The following ATRNL1 variants were observed in gnomAD, a reference collection of about 807,000 sequenced individuals.
ATRNL1 encodes attractin-like protein 1.
In ATRNL1, 95 loss-of-function variants were observed where a neutral mutation model predicts 182.7. That is an observed-to-expected ratio of 0.52 (90% confidence interval 0.44 to 0.62). The LOEUF (loss-of-function observed/expected upper bound fraction) is 0.62, where lower values mean the gene tolerates loss of function less well. ATRNL1 is among the 20% of genes least tolerant of loss of function. The pLI is 0.00. For missense variants in ATRNL1, 1,471 were observed against 1,679.5 expected, an observed-to-expected ratio of 0.88 and a Z score of 2.17; for synonymous variants, 576 against 568.3, an observed-to-expected ratio of 1.01 and a Z score of -0.19.
intron 21 of ATRNL1, among the ~76,000 whole-genome samples, chr10:115,461,251 C>G (rs1554969623): frequency 6.6e-6 from 1 of 151,966 alleles, no homozygotes; most frequent in African/African-American, 2.4e-5. Flanking sequence ...AGCAATACAT[C>G]ACCTTCATGT....
chr10:115,094,785 C>T (rs1215242644), intron 1 of ATRNL1, among the ~76,000 whole-genome samples: 1 of 152,206 alleles, frequency 6.6e-6, no homozygotes, highest in Non-Finnish European at 1.5e-5. Flanking sequence ...AGCCAGTACA[C>T]ACTCCAGAAT....
At chr10:115,177,623 C>T (rs1333143141) in intron 8 of ATRNL1, among the ~76,000 whole-genome samples, 6 of 152,052 alleles carry the variant, frequency 3.9e-5, no homozygotes. Context: ...GACTATGTCT[C>T]CAAAACCTAC....
intron 26 of ATRNL1, among the ~76,000 whole-genome samples, chr10:115,660,059 T>C (rs1860578126): frequency 6.6e-6 from 1 of 152,132 alleles, no homozygotes; most frequent in African/African-American, 2.4e-5. Flanking sequence ...TTCTGATTAG[T>C]TGTAGAGCAT....
intron 19 of ATRNL1, among the ~76,000 whole-genome samples, chr10:115,392,734 G>C (rs79142227): frequency 0.012 from 1,784 of 152,188 alleles, 34 homozygotes; most frequent in African/African-American, 0.04. Context: ...CTTTCTAGAT[G>C]CAATTCTCGT....
chr10:115,408,023 G>A (rs570712889), intron 20 of ATRNL1, among the ~76,000 whole-genome samples: 2 of 124,850 alleles, frequency 1.6e-5, no homozygotes, highest in Non-Finnish European at 3.2e-5. Context: ...TTGAGACGGA[G>A]TCTCGCTCTG....
chr10:115,845,000 G>C (rs181864762), intron 27 of ATRNL1, among the ~76,000 whole-genome samples: 141 of 150,158 alleles, frequency 9.4e-4, no homozygotes, highest in Non-Finnish European at 1.5e-3. Flanking sequence ...GTGCTATAAA[G>C]AGATGTTTGG....
intron 27 of ATRNL1, among the ~76,000 whole-genome samples, chr10:115,819,357 T>A (rs1452499860): frequency 2.0e-5 from 3 of 152,168 alleles, no homozygotes; most frequent in Admixed American, 6.6e-5. Context: ...TTACTATCTA[T>A]CTAGAATATT....
intron 26 of ATRNL1, among the ~76,000 whole-genome samples, chr10:115,674,410 A>G (rs1945796404): frequency 6.6e-6 from 1 of 152,084 alleles, no homozygotes; most frequent in African/African-American, 2.4e-5. Flanking sequence ...TTCTTATACT[A>G]CTGAGATTTT....
chr10:115,202,810 C>T (rs1404421039), intron 8 of ATRNL1, among the ~76,000 whole-genome samples: 2 of 146,964 alleles, frequency 1.4e-5, no homozygotes, highest in South Asian at 2.3e-4. Context: ...AGGAATGGTA[C>T]CAGTTCCTCC....
Position 115,877,210 on chromosome 10 carries a change from GGTAGAAAGGCAGTCATTTTATTT to G in ATRNL1, c.4018+29221_4018+29243del, listed in dbSNP as rs147646152. Among the ~76,000 whole-genome samples, 320 of 152,308 alleles carry G rather than the reference GGTAGAAAGGCAGTCATTTTATTT, an allele frequency of 2.1e-3. 1 individual carries two copies. The highest frequency in any genetic ancestry group is 7.4e-3 in the African/African-American group (307 of 41,566). On this transcript the variant is annotated intron_variant, in intron 28 of 28. Coordinates refer to ENST00000355044, the MANE Select transcript of ATRNL1 (RefSeq NM_207303.4). ...GCTACTTGCATTGTACTTCACTTTA[GGTAGAAAGGCAGTCATTTTATTT>G]GCTGTTAATGTGAAAAGAGATATCA...
intron 27 of ATRNL1, among the ~76,000 whole-genome samples, chr10:115,728,458 C>G (rs2243740): frequency 0.47 from 70,941 of 151,704 alleles, 16,776 homozygotes; most frequent in African/African-American, 0.5. Context: ...TTAAGAAACT[C>G]TAGAATTGAA....
intron 8 of ATRNL1, among the ~76,000 whole-genome samples, chr10:115,201,110 A>T (rs545980211): frequency 7.6e-6 from 1 of 131,694 alleles, no homozygotes; most frequent in Non-Finnish European, 1.6e-5. Context: ...GTTTGAGTTC[A>T]TTGTAGATTC....
intron 14 of ATRNL1, 144 bp downstream of exon 14, chr10:115,281,631 CTG>C (rs1233450527): frequency 1.1e-5 from 9 of 782,796 alleles, no homozygotes; most frequent in African/African-American, 5.4e-5. Context: ...ACTAATAACA[CTG>C]TTTCTACAAG....
chr10:115,278,322 G>C (rs1470628938), intron 13 of ATRNL1, among the ~76,000 whole-genome samples: 1 of 152,166 alleles, frequency 6.6e-6, no homozygotes, highest in Non-Finnish European at 1.5e-5. Flanking sequence ...AGAAAAACTT[G>C]GGACAAAATA....
At chr10:115,258,280 G>A (rs1334644879) in intron 10 of ATRNL1, among the ~76,000 whole-genome samples, 1 of 152,070 alleles carries the variant, frequency 6.6e-6, no homozygotes, top group African/African-American at 2.4e-5. Flanking sequence ...TTTTCACATA[G>A]TCCCATATTT....
At chr10:115,232,008 T>C (rs1462272072) in intron 9 of ATRNL1, among the ~76,000 whole-genome samples, 2 of 152,198 alleles carry the variant, frequency 1.3e-5, no homozygotes, top group African/African-American at 4.8e-5. Flanking sequence ...TCTTTTTATA[T>C]TTTCTGCCTT....
chr10:115,216,844 G>A (rs537381063), intron 9 of ATRNL1, among the ~76,000 whole-genome samples: 1 of 151,694 alleles, frequency 6.6e-6, no homozygotes, highest in South Asian at 2.1e-4. Flanking sequence ...AAAAAATATA[G>A]AATTATAACA....
At chr10:115,747,471 A>C (rs1487855541) in intron 27 of ATRNL1, among the ~76,000 whole-genome samples, 1 of 152,146 alleles carries the variant, frequency 6.6e-6, no homozygotes, top group Non-Finnish European at 1.5e-5. Context: ...ATTACTTGAA[A>C]GATCACCAAA....
At position 115,270,408 on chromosome 10, in the gene ATRNL1, AAATAT is replaced by A. The variant is rs201847354; in HGVS notation, c.2100+1971_2100+1975del. Among the ~76,000 whole-genome samples the A allele has an allele frequency of 5.2e-3, 634 of 123,028 alleles. 2 individuals are homozygous for A. The highest frequency in any genetic ancestry group is 8.2e-3 in the Non-Finnish European group (476 of 57,996). The allele number at this position is 123,028 out of a possible 152,430, so 80.7% of individuals were successfully genotyped here. A position where few individuals can be genotyped will look rare whatever the true frequency, so the allele number is the denominator to read the frequency against. ...ATATAAATATATGTATATTATATAT[AAATAT>A]AATATATATTTGTTTATATATAATC... On this transcript the variant is annotated intron_variant, in intron 13 of 28. Coordinates refer to ENST00000355044, the MANE Select transcript of ATRNL1 (RefSeq NM_207303.4).
Sources: gnomAD v4.1 joint callset for allele counts (sites outside exome capture counted in the v4.1 genomes callset) on GRCh38, gnomAD v4.1.1 for gene constraint, MANE v1.5 for transcripts, NCBI Gene and HGNC (gene_info 2026-07-23, HGNC 2026-07-21) for gene names.